The following SEPTIN9 variants were observed in gnomAD, a reference collection of about 807,000 sequenced individuals.
SEPTIN9 encodes the protein septin-9.
Under a neutral mutation model 56.6 loss-of-function variants are expected in SEPTIN9, and 13 were observed. That is an observed-to-expected ratio of 0.23 (90% CI 0.15 to 0.37). SEPTIN9 has a LOEUF of 0.37. Among genes scored for constraint, SEPTIN9 ranks in the 10% least tolerant of loss-of-function variants. SEPTIN9 has a pLI of 1.00. For missense variants in SEPTIN9, 650 were observed against 823.1 expected (o/e 0.79, Z 2.57); for synonymous variants, 332 against 334.1 (o/e 0.99, Z 0.07).
intron 1 of SEPTIN9, among the ~76,000 whole-genome samples, chr17:77,296,912 T>A (rs999565013): frequency 6.6e-6 from 1 of 151,758 alleles, no homozygotes. Context: ...GACAGATGGA[T>A]GATAGGTAGA....
intron 2 of SEPTIN9, among the ~76,000 whole-genome samples, chr17:77,361,791 T>C (rs312881): frequency 0.8 from 122,189 of 151,962 alleles, 49,451 homozygotes; most frequent in East Asian, 0.97. Context: ...TGCCACCGCG[T>C]CCGGCTAATT....
chr17:77,396,431 G>A (rs956836567), intron 2 of SEPTIN9, among the ~76,000 whole-genome samples: 2 of 152,154 alleles, frequency 1.3e-5, no homozygotes, highest in African/African-American at 2.4e-5. Context: ...GAACACTCTC[G>A]CTTCTGTGGG....
intron 2 of SEPTIN9, among the ~76,000 whole-genome samples, chr17:77,391,588 G>T: frequency 6.6e-6 from 1 of 152,218 alleles, no homozygotes; most frequent in East Asian, 1.9e-4. Context: ...TTCCAAATGT[G>T]ATCATGTTCG....
chr17:77,498,501 C>T (rs1389072800), intron 11 of SEPTIN9, 22 bp from the exon 12 acceptor site: 11 of 696,736 alleles, frequency 1.6e-5, no homozygotes, highest in Admixed American at 7.9e-5. Flanking sequence ...CTCACTGACC[C>T]GCCCGCCCCC....
At chr17:77,493,618 G>A (rs2040128743) in intron 10 of SEPTIN9, among the ~76,000 whole-genome samples, 1 of 152,056 alleles carries the variant, frequency 6.6e-6, no homozygotes, top group African/African-American at 2.4e-5. Flanking sequence ...TCCTTCTGAG[G>A]CCCTGAGGAC....
In SEPTIN9 at chr17:77,453,967, C is replaced by A; in HGVS notation, c.722-28177C>A. The A allele has an allele frequency of 1.3e-6, 1 of 792,500 alleles. No individual in the cohort carries two copies. Among genetic ancestry groups the A allele is most frequent in the Non-Finnish European group, 1.5e-6 (1 of 653,506 alleles). The allele number at this position is 792,500 out of a possible 1,614,324, so 49.1% of individuals were successfully genotyped here. ...TTAAGAAGCCTGTCACCACCACCAGCAGCTTCCGTTATCTGGTTCTTCTGT... is the reference window on the plus strand; with the variant it reads ...TTAAGAAGCCTGTCACCACCACCAGAAGCTTCCGTTATCTGGTTCTTCTGT... On this transcript the variant is annotated intron_variant, in intron 3 of 11. Transcript: ENST00000427177. The surrounding 1 kb of genome is among the most constrained non-coding windows in gnomAD (Gnocchi z 4.4).
At chr17:77,486,036 G>A (rs567117828) in intron 4 of SEPTIN9, among the ~76,000 whole-genome samples, 2 of 152,112 alleles carry the variant, frequency 1.3e-5, no homozygotes, top group South Asian at 4.1e-4. Flanking sequence ...AGCTGGTCTC[G>A]AACTCCTGAC....
chr17:77,354,115 A>C (rs1011014619), intron 2 of SEPTIN9, among the ~76,000 whole-genome samples: 1 of 152,088 alleles, frequency 6.6e-6, no homozygotes, highest in African/African-American at 2.4e-5. Context: ...CTCTGCTTTA[A>C]GCTTGTGTCT....
In SEPTIN9 at chr17:77,490,749, C is replaced by T. The variant is rs371651556; in HGVS notation, c.1270C>T (p.Pro424Ser). ...CACATCCCTCTGCTTCAGCCTCAGG[C>T]CCCTGGACATCGAGTTTATGAAACG... ...FIPATGHSLRPLDIEFMKRLS... is the reference protein window; with the variant it reads ...FIPATGHSLRSLDIEFMKRLS... Residue 424 changes from proline (P) to serine (S), a missense_variant, in exon 8 of 12, where the codon CCC (proline) becomes TCC (serine). Physicochemically the swap from Pro to Ser is moderately conservative, Grantham distance 74. Around this residue, in one of 2 missense-constraint regions of SEPTIN9, gnomAD observed 333 missense variants for 494.0 expected, o/e 0.67. Coordinates refer to ENST00000427177, the MANE Select transcript of SEPTIN9 (RefSeq NM_001113491.2). 1.3e-6 allele frequency: 2 copies of T among 1,570,732 alleles called. No homozygotes were observed. The highest frequency in any genetic ancestry group is 2.4e-5 in the East Asian group (1 of 42,496).
At chr17:77,481,912 G>A (rs1017102889) in intron 3 of SEPTIN9, 5 of 582,412 alleles carry the variant, frequency 8.6e-6, no homozygotes, top group African/African-American at 7.5e-5. Context: ...GTCTGGGGAT[G>A]GAGCTTTGCT....
chr17:77,481,203 C>G (rs144849333), intron 3 of SEPTIN9, among the ~76,000 whole-genome samples: 1 of 152,248 alleles, frequency 6.6e-6, no homozygotes, highest in African/African-American at 2.4e-5. Context: ...GGTGTCTTAA[C>G]AGCAGCCAGG....
At chr17:77,373,625 G>C (rs899463904) in intron 2 of SEPTIN9, 10 of 1,520,244 alleles carry the variant, frequency 6.6e-6, no homozygotes, top group Non-Finnish European at 8.8e-6. Flanking sequence ...GGCGCGGGAC[G>C]GGGGTGCGCT....
intron 3 of SEPTIN9, among the ~76,000 whole-genome samples, chr17:77,477,544 TGTGTTAGTTATTTCTGGAGCCGG>T (rs2143137905): frequency 6.6e-6 from 1 of 152,260 alleles, no homozygotes. Context: ...TGTTGGCGGA[TGTGTTAGTTATTTCTGGAGCCGG>T]GTGTGTTGTG....
intron 2 of SEPTIN9, among the ~76,000 whole-genome samples, chr17:77,337,066 A>G (rs899552297): frequency 1.4e-5 from 2 of 146,306 alleles, no homozygotes; most frequent in African/African-American, 2.5e-5. Flanking sequence ...CAGTGGTGCC[A>G]TCGTAGCTCA....
intron 3 of SEPTIN9, among the ~76,000 whole-genome samples, chr17:77,424,928 G>A (rs891096317): frequency 6.6e-6 from 1 of 152,174 alleles, no homozygotes; most frequent in African/African-American, 2.4e-5. Context: ...GGGAGGCTTG[G>A]ACCCCTGCTC....
At chr17:77,390,648 T>A (rs2035508990) in intron 2 of SEPTIN9, among the ~76,000 whole-genome samples, 1 of 151,932 alleles carries the variant, frequency 6.6e-6, no homozygotes, top group Admixed American at 6.5e-5. Flanking sequence ...AGACGGGGTT[T>A]CACTGTGTTA....
At chr17:77,406,789 G>C (rs2036096696) in intron 3 of SEPTIN9, among the ~76,000 whole-genome samples, 1 of 152,090 alleles carries the variant, frequency 6.6e-6, no homozygotes, top group Non-Finnish European at 1.5e-5. Flanking sequence ...TTCTGCCTCA[G>C]CCTCCCGAGT....
rs551943849 is a variant in SEPTIN9 at position 77,360,642 on chromosome 17, G to A, written c.77-41417G>A. Reference sequence around the variant, plus strand: ...TGGAGTGATGCGATCTCCGCTCACTGCAAGCTCCGCCTCCCTGGTTCACAC... The same window carrying A: ...TGGAGTGATGCGATCTCCGCTCACTACAAGCTCCGCCTCCCTGGTTCACAC... On this transcript the variant is annotated intron_variant, in intron 2 of 11. Transcript: ENST00000427177. Among the ~76,000 whole-genome samples the A allele has an allele frequency of 2.0e-5, 3 of 151,478 alleles. No individual in the cohort carries two copies. The South Asian group carries it at 6.2e-4, about 31-fold the overall frequency.
Position 77,487,241 on chromosome 17 carries a change from T to C in SEPTIN9, c.914-183T>C, listed in dbSNP as rs971721993. On this transcript the variant is annotated intron_variant, in intron 4 of 11. Coordinates refer to ENST00000427177, the MANE Select transcript of SEPTIN9 (RefSeq NM_001113491.2). This position sits in a 1 kb window ranked among gnomAD's most constrained non-coding sequence, Gnocchi z 4.3. ...CGGCTGTGTGGGTTTACACAGTCAC[T>C]GGACACCCGGCTCGAGGGTGAAGTC... Among the ~76,000 whole-genome samples the C allele has an allele frequency of 1.3e-5, 2 of 152,162 alleles. No individual in the cohort carries two copies. Among genetic ancestry groups the C allele is most frequent in the Non-Finnish European group, 2.9e-5 (2 of 68,008 alleles).
Sources: allele counts gnomAD v4.1 joint callset (sites outside exome capture counted in the v4.1 genomes callset), GRCh38; gene constraint gnomAD v4.1.1; regional missense constraint gnomAD v4.1.1; non-coding constraint Gnocchi (gnomAD v3.1); transcripts MANE v1.5; gene names NCBI Gene and HGNC (gene_info 2026-07-23, HGNC 2026-07-21).